SCD5: variants seen among roughly 807,000 people sequenced by gnomAD.
The protein encoded by SCD5 is stearoyl-CoA desaturase 5.
Under a neutral mutation model 30.4 loss-of-function variants are expected in SCD5, and 20 were observed. The observed-to-expected ratio is 0.66, with a 90% CI of 0.46 to 0.96. SCD5 has a LOEUF of 0.96. SCD5 is among the 40% of genes least tolerant of loss of function. The pLI is 0.00. For missense variants in SCD5, 381 were observed against 443.3 expected (o/e 0.86, Z 1.26); for synonymous variants, 173 against 176.4 (o/e 0.98, Z 0.16).
chr4:82,714,483 GGAGCACCT>G (rs1308923094), intron 1 of SCD5, among the ~76,000 whole-genome samples: 1 of 152,090 alleles, frequency 6.6e-6, no homozygotes, highest in African/African-American at 2.4e-5. Flanking sequence ...CAGGTATACA[GGAGCACCT>G]GAAGCATGAG....
intron 3 of SCD5, among the ~76,000 whole-genome samples, chr4:82,650,239 G>C (rs973947381): frequency 6.6e-6 from 1 of 152,148 alleles, no homozygotes. Context: ...GAAGCTTATA[G>C]TCTAATGAGA....
intron 1 of SCD5, among the ~76,000 whole-genome samples, chr4:82,705,716 T>C (rs1458416949): frequency 6.6e-6 from 1 of 152,212 alleles, no homozygotes; most frequent in African/African-American, 2.4e-5. Flanking sequence ...CATGTCAATG[T>C]ACATTTGCAA....
intron 2 of SCD5, among the ~76,000 whole-genome samples, chr4:82,700,646 G>T (rs1172693789): frequency 6.6e-6 from 1 of 151,950 alleles, no homozygotes; most frequent in African/African-American, 2.4e-5. Flanking sequence ...CTCAAGCTGG[G>T]TGTGGTGCTA....
chr4:82,721,576 G>A (rs1327255033), intron 1 of SCD5, among the ~76,000 whole-genome samples: 1 of 152,202 alleles, frequency 6.6e-6, no homozygotes, highest in African/African-American at 2.4e-5. Flanking sequence ...TGTGATTGAT[G>A]TCCTCATAGG....
chr4:82,741,597 T>C (rs1264341701), intron 1 of SCD5, among the ~76,000 whole-genome samples: 1 of 152,190 alleles, frequency 6.6e-6, no homozygotes, highest in Non-Finnish European at 1.5e-5. Flanking sequence ...ACTCCATTTC[T>C]GGCTGGTAGG....
chr4:82,636,230 C>A (rs911501831), intron 4 of SCD5, among the ~76,000 whole-genome samples: 1 of 151,352 alleles, frequency 6.6e-6, no homozygotes, highest in African/African-American at 2.4e-5. Flanking sequence ...CACTTGGGGT[C>A]AGGAGTTTGA....
At chr4:82,640,755 C>A (rs183463945) in intron 3 of SCD5, among the ~76,000 whole-genome samples, 48 of 152,260 alleles carry the variant, frequency 3.2e-4, no homozygotes, top group African/African-American at 1.1e-3. Context: ...CCCCAGCTTC[C>A]TCATCTAATA....
chr4:82,657,567 G>A (rs553091434), intron 3 of SCD5, among the ~76,000 whole-genome samples: 6 of 152,286 alleles, frequency 3.9e-5, no homozygotes, highest in Admixed American at 6.5e-5. Context: ...GCTTAGGATT[G>A]TCTTGGTTAT....
intron 1 of SCD5, among the ~76,000 whole-genome samples, chr4:82,781,282 G>A (rs565536960): frequency 7.2e-5 from 11 of 152,116 alleles, no homozygotes; most frequent in African/African-American, 2.6e-4. Flanking sequence ...CAGGCGTGGC[G>A]GCGTGCTCCT....
At chr4:82,781,370 C>A (rs1721868785) in intron 1 of SCD5, among the ~76,000 whole-genome samples, 1 of 151,278 alleles carries the variant, frequency 6.6e-6, no homozygotes, top group African/African-American at 2.4e-5. Flanking sequence ...GAGCTGGGAT[C>A]ACGCCACTGC....
At chr4:82,658,584 A>G (rs1212935232) in intron 3 of SCD5, among the ~76,000 whole-genome samples, 1 of 140,270 alleles carries the variant, frequency 7.1e-6, no homozygotes, top group Non-Finnish European at 1.5e-5. Context: ...CCCCTGTCTC[A>G]GCCTCCTGAG....
At chr4:82,727,915 C>T (rs2148834476) in intron 1 of SCD5, among the ~76,000 whole-genome samples, 1 of 152,228 alleles carries the variant, frequency 6.6e-6, no homozygotes, top group South Asian at 2.1e-4. Flanking sequence ...ACCATGTTGG[C>T]CAGGCTGGTC....
At chr4:82,661,458 G>C (rs1473093247) in intron 3 of SCD5, among the ~76,000 whole-genome samples, 3 of 152,158 alleles carry the variant, frequency 2.0e-5, no homozygotes, top group Non-Finnish European at 4.4e-5. Flanking sequence ...GAGAGAAAAG[G>C]TACTTACATT....
chr4:82,701,621 C>T (rs1270383179), intron 2 of SCD5, among the ~76,000 whole-genome samples: 1 of 152,196 alleles, frequency 6.6e-6, no homozygotes, highest in African/African-American at 2.4e-5. Flanking sequence ...TCTGTCTATC[C>T]ACTAATTAGC....
rs143468676 is a variant in SCD5, at chr4:82,794,198, A to G, written c.232+4108T>C. On this transcript the variant is annotated intron_variant, in intron 1 of 4. Coordinates refer to ENST00000319540, the MANE Select transcript of SCD5 (RefSeq NM_001037582.3). ...CTCCAAGAACCCAGCAGGGCACCAG[A>G]GAACGCTATATCTGCCTTAACAATG... Among the ~76,000 whole-genome samples, 555 of 152,314 alleles carry G rather than the reference A, an allele frequency of 3.6e-3. 1 individual carries two copies. Among genetic ancestry groups the G allele is most frequent in the African/African-American group, 0.013 (527 of 41,570 alleles).
chr4:82,674,501 G>A (rs1201838651), intron 3 of SCD5, among the ~76,000 whole-genome samples: 1 of 152,182 alleles, frequency 6.6e-6, no homozygotes, highest in Non-Finnish European at 1.5e-5. Context: ...TGGAGCAACA[G>A]AAATTCTTAT....
chr4:82,658,568 G>C (rs551511780), intron 3 of SCD5, among the ~76,000 whole-genome samples: 2 of 141,864 alleles, frequency 1.4e-5, no homozygotes, highest in Non-Finnish European at 3.0e-5. Context: ...CCAGGTTCAA[G>C]TGATTCCCCT....
At chr4:82,641,171 TTG>T (rs771134040) in intron 3 of SCD5, among the ~76,000 whole-genome samples, 2 of 143,778 alleles carry the variant, frequency 1.4e-5, no homozygotes, top group Non-Finnish European at 3.0e-5. Flanking sequence ...GGAGAATTGC[TTG>T]AACATGGGAG....
chr4:82,725,090 C>A (rs1174452614), intron 1 of SCD5, among the ~76,000 whole-genome samples: 1 of 152,088 alleles, frequency 6.6e-6, no homozygotes, highest in Non-Finnish European at 1.5e-5. Flanking sequence ...AGGCCAAATA[C>A]AACAAAAAAG....
Sources: allele counts gnomAD v4.1 joint callset (sites outside exome capture counted in the v4.1 genomes callset), GRCh38; gene constraint gnomAD v4.1.1; transcripts MANE v1.5; gene names NCBI Gene and HGNC (gene_info 2026-07-23, HGNC 2026-07-21).